CCDC148: variants seen among roughly 807,000 people sequenced by gnomAD.
The protein encoded by CCDC148 is coiled-coil domain containing 148, also known as coiled-coil domain-containing protein 148.
CCDC148 carries 89 observed loss-of-function variants against 85.7 expected under a neutral mutation model. That is an observed-to-expected ratio of 1.04 (90% CI 0.87 to 1.24). The LOEUF (loss-of-function observed/expected upper bound fraction) is 1.24, where lower values mean the gene tolerates loss of function less well. CCDC148 is among the 50% of genes most tolerant of loss of function. CCDC148 has a pLI of 0.00. For missense variants in CCDC148, 692 were observed against 671.7 expected (o/e 1.03, Z -0.33); for synonymous variants, 230 against 213.9 (o/e 1.08, Z -0.66).
At chr2:158,346,042 A>T (rs1266754843) in intron 2 of CCDC148, among the ~76,000 whole-genome samples, 3 of 152,164 alleles carry the variant, frequency 2.0e-5, no homozygotes, top group Non-Finnish European at 4.4e-5. Context: ...ACTAAATGTA[A>T]TTTTTCCTCA....
chr2:158,351,428 G>A (rs1287518816), intron 2 of CCDC148, among the ~76,000 whole-genome samples: 2 of 150,712 alleles, frequency 1.3e-5, no homozygotes, highest in Non-Finnish European at 3.0e-5. Flanking sequence ...CTTGGGAAGC[G>A]CAAGGGGTCA....
At chr2:158,395,888 T>G (rs1428925312) in intron 1 of CCDC148, among the ~76,000 whole-genome samples, 1 of 152,148 alleles carries the variant, frequency 6.6e-6, no homozygotes, top group Non-Finnish European at 1.5e-5. Context: ...GCTTGGCACA[T>G]AGTAGGGGCT....
chr2:158,343,091 T>C (rs1317943982), intron 3 of CCDC148, among the ~76,000 whole-genome samples: 1 of 152,120 alleles, frequency 6.6e-6, no homozygotes, highest in Non-Finnish European at 1.5e-5. Context: ...GCAATCATAA[T>C]GTACTGAAGA....
intron 9 of CCDC148, among the ~76,000 whole-genome samples, chr2:158,295,520 T>C (rs967101289): frequency 2.0e-5 from 3 of 148,192 alleles, no homozygotes; most frequent in African/African-American, 7.5e-5. Flanking sequence ...AAAAAGCTTA[T>C]CCACCATGAT....
intron 9 of CCDC148, among the ~76,000 whole-genome samples, chr2:158,286,858 G>C (rs952479874): frequency 4.6e-5 from 7 of 152,034 alleles, no homozygotes; most frequent in African/African-American, 1.7e-4. Context: ...GAGTATTAGA[G>C]GCAAAATAAT....
At chr2:158,276,350 C>G (rs1447924371) in intron 9 of CCDC148, among the ~76,000 whole-genome samples, 1 of 152,148 alleles carries the variant, frequency 6.6e-6, no homozygotes, top group African/African-American at 2.4e-5. Context: ...ACAAGGATCT[C>G]TTGAACCTGG....
At chr2:158,316,205 G>T (rs1271665282) in intron 7 of CCDC148, among the ~76,000 whole-genome samples, 1 of 152,188 alleles carries the variant, frequency 6.6e-6, no homozygotes, top group Non-Finnish European at 1.5e-5. Flanking sequence ...GATTGTGGCT[G>T]TCCTCAAAGA....
At chr2:158,346,191 T>G (rs1682984555) in intron 2 of CCDC148, among the ~76,000 whole-genome samples, 1 of 152,162 alleles carries the variant, frequency 6.6e-6, no homozygotes, top group Non-Finnish European at 1.5e-5. Flanking sequence ...CAGAGCAGCT[T>G]GTGTTTCTCA....
intron 1 of CCDC148, among the ~76,000 whole-genome samples, chr2:158,366,726 C>A (rs956358904): frequency 6.6e-6 from 1 of 152,164 alleles, no homozygotes; most frequent in Non-Finnish European, 1.5e-5. Context: ...CTTTGTTGGA[C>A]CTGCATTGAA....
At chr2:158,394,693 A>G (rs1685451467) in intron 1 of CCDC148, among the ~76,000 whole-genome samples, 1 of 151,894 alleles carries the variant, frequency 6.6e-6, no homozygotes, top group South Asian at 2.1e-4. Context: ...TAAAACTTGG[A>G]GAGTCGGCCC....
chr2:158,364,472 A>C (rs545353824), intron 1 of CCDC148, among the ~76,000 whole-genome samples: 1 of 152,292 alleles, frequency 6.6e-6, no homozygotes, highest in African/African-American at 2.4e-5. Flanking sequence ...TATACAGACA[A>C]ACAGAACAGA....
intron 10 of CCDC148, among the ~76,000 whole-genome samples, chr2:158,243,110 T>C (rs1306156318): frequency 1.3e-5 from 2 of 152,100 alleles, no homozygotes; most frequent in African/African-American, 4.8e-5. Context: ...GTAAGTAGCC[T>C]GTGCTTTTAC....
intron 1 of CCDC148, among the ~76,000 whole-genome samples, chr2:158,450,903 C>T (rs1688379960): frequency 6.6e-6 from 1 of 151,972 alleles, no homozygotes; most frequent in South Asian, 2.1e-4. Context: ...ACCCTTCTAT[C>T]CCTCCTTTCC....
chr2:158,437,089 A>T (rs1008899291), intron 1 of CCDC148, among the ~76,000 whole-genome samples: 3 of 152,276 alleles, frequency 2.0e-5, no homozygotes, highest in East Asian at 1.9e-4. Flanking sequence ...ACTATTCCAA[A>T]TAATAGAAAA....
At chr2:158,357,438 T>G (rs1324375610) in intron 2 of CCDC148, among the ~76,000 whole-genome samples, 1 of 152,164 alleles carries the variant, frequency 6.6e-6, no homozygotes, top group Non-Finnish European at 1.5e-5. Context: ...CATGATTTCA[T>G]GCCTATGTTT....
At chr2:158,189,138 T>A (rs1173656897) in intron 11 of CCDC148, among the ~76,000 whole-genome samples, 1 of 151,728 alleles carries the variant, frequency 6.6e-6, no homozygotes, top group Non-Finnish European at 1.5e-5. Context: ...TTATACATTG[T>A]TGGTAGGAAT....
intron 9 of CCDC148, among the ~76,000 whole-genome samples, chr2:158,276,078 T>C (rs1194539516): frequency 6.6e-6 from 1 of 152,172 alleles, no homozygotes; most frequent in Non-Finnish European, 1.5e-5. Context: ...TTTATATGAC[T>C]TGGAGCTTTT....
chr2:158,427,404 A>G (rs1384704585), intron 1 of CCDC148, among the ~76,000 whole-genome samples: 1 of 152,218 alleles, frequency 6.6e-6, no homozygotes, highest in African/African-American at 2.4e-5. Flanking sequence ...AACCAGTTTT[A>G]TACAATTATA....
At chr2:158,287,905 C>G (rs1048408582) in intron 9 of CCDC148, among the ~76,000 whole-genome samples, 6 of 152,222 alleles carry the variant, frequency 3.9e-5, no homozygotes, top group African/African-American at 1.4e-4. Flanking sequence ...GAGGGCCCCA[C>G]CCCTGTAGCA....
Sources: allele counts gnomAD v4.1 joint callset (sites outside exome capture counted in the v4.1 genomes callset), GRCh38; gene constraint gnomAD v4.1.1; transcripts MANE v1.5; gene names NCBI Gene and HGNC (gene_info 2026-07-23, HGNC 2026-07-21).